Variants in SCAPER observed in about 807,000 individuals in gnomAD.
SCAPER encodes the protein S-phase cyclin A associated protein in the ER.
A neutral mutation model predicts 182.2 loss-of-function variants in SCAPER; 98 were observed. The observed-to-expected ratio is 0.54, with a 90% CI of 0.46 to 0.64. SCAPER has a LOEUF of 0.64. Ranked by LOEUF, SCAPER falls within the 30% of genes least tolerant of loss-of-function variation. The pLI is 0.00. For synonymous variants in SCAPER, 605 were observed against 564.6 expected, an observed-to-expected ratio of 1.07 and a Z score of -1.01; for missense variants, 1,432 against 1,690.0, an observed-to-expected ratio of 0.85 and a Z score of 2.68.
chr15:76,439,621 G>A (rs1209339342), intron 25 of SCAPER, among the ~76,000 whole-genome samples: 1 of 152,186 alleles, frequency 6.6e-6, no homozygotes, highest in Non-Finnish European at 1.5e-5. Flanking sequence ...CACAGCTGCT[G>A]GGCCAAGGGC....
At chr15:76,647,996 A>C (rs1182321115) in intron 21 of SCAPER, among the ~76,000 whole-genome samples, 1 of 152,162 alleles carries the variant, frequency 6.6e-6, no homozygotes, top group East Asian at 1.9e-4. Context: ...CTTAAAGAAA[A>C]CAATAAAACC....
chr15:76,845,529 T>A (rs1182505195), intron 4 of SCAPER, among the ~76,000 whole-genome samples: 2 of 151,544 alleles, frequency 1.3e-5, no homozygotes, highest in African/African-American at 4.9e-5. Context: ...GGATACAAAG[T>A]CAACATACAA....
intron 1 of SCAPER, among the ~76,000 whole-genome samples, chr15:76,888,368 A>C (rs2073973365): frequency 6.6e-6 from 1 of 152,188 alleles, no homozygotes; most frequent in Admixed American, 6.5e-5. Flanking sequence ...GGTAATAACA[A>C]ACTTCTCCAA....
chr15:76,514,705 T>C (rs1178251463), intron 23 of SCAPER, among the ~76,000 whole-genome samples: 1 of 152,212 alleles, frequency 6.6e-6, no homozygotes, highest in African/African-American at 2.4e-5. Flanking sequence ...AAGTAGGTTT[T>C]GGCAAGTCCA....
At chr15:76,809,573 A>G (rs1017131166) in intron 5 of SCAPER, among the ~76,000 whole-genome samples, 12 of 152,160 alleles carry the variant, frequency 7.9e-5, no homozygotes, top group African/African-American at 1.4e-4. Flanking sequence ...AATAAAAGGA[A>G]AAAATGACAA....
chr15:76,842,365 G>A (rs2069562477), intron 4 of SCAPER, among the ~76,000 whole-genome samples: 1 of 152,082 alleles, frequency 6.6e-6, no homozygotes, highest in African/African-American at 2.4e-5. Context: ...GAATCATGGG[G>A]GCAGTTTCCC....
At chr15:76,373,070 CAG>C (rs1246192816) in intron 29 of SCAPER, among the ~76,000 whole-genome samples, 1 of 140,600 alleles carries the variant, frequency 7.1e-6, no homozygotes, top group African/African-American at 2.7e-5. Context: ...TTTTTTGAGA[CAG>C]AGTCTCGCTC....
chr15:76,485,914 C>T (rs935159849), intron 24 of SCAPER, among the ~76,000 whole-genome samples: 6 of 152,168 alleles, frequency 3.9e-5, no homozygotes, highest in Middle Eastern at 3.4e-3. Flanking sequence ...AAATGTAAAA[C>T]CGAAAACTAT....
rs1043236684 is a variant in SCAPER, at chr15:76,472,377, A to C, written c.2955-1042T>G. The C allele has an allele frequency of 4.2e-6, 3 of 714,590 alleles. No homozygotes were observed. In the African/African-American group the frequency reaches 5.3e-5, roughly 13 times the overall value. The allele number at this position is 714,590 out of a possible 1,614,324, so 44.3% of individuals were successfully genotyped here. On this transcript the variant is annotated intron_variant, in intron 24 of 31. Coordinates refer to ENST00000563290, the MANE Select transcript of SCAPER (RefSeq NM_020843.4). Reference sequence around the variant, plus strand: ...TGGAGATGCCAAGTGAAGCGTGTGCATTTTTGGTGACTGTGTACTTCTGGT... The same window carrying C: ...TGGAGATGCCAAGTGAAGCGTGTGCCTTTTTGGTGACTGTGTACTTCTGGT...
intron 8 of SCAPER, 177 bp downstream of exon 8, chr15:76,795,103 C>T (rs923867472): frequency 5.8e-6 from 3 of 521,014 alleles, no homozygotes; most frequent in Non-Finnish European, 6.4e-6. Context: ...CATAAGCTAT[C>T]TACAGTGCTG....
At chr15:76,655,216 A>T (rs1239654680) in intron 21 of SCAPER, among the ~76,000 whole-genome samples, 1 of 152,244 alleles carries the variant, frequency 6.6e-6, no homozygotes, top group Non-Finnish European at 1.5e-5. Flanking sequence ...AACTGATCTG[A>T]TACAGGCAAA....
chr15:76,779,523 C>T (rs1395531973), intron 8 of SCAPER, among the ~76,000 whole-genome samples: 2 of 152,046 alleles, frequency 1.3e-5, no homozygotes, highest in South Asian at 2.1e-4. Context: ...TGGATAGCCC[C>T]GTAACTGTTA....
rs563428240 is a variant in SCAPER, at chr15:76,839,619, A to G, written c.393+2115T>C. Among the ~76,000 whole-genome samples the G allele has an allele frequency of 5.3e-5, 8 of 152,354 alleles. No individual in the cohort carries two copies. In the East Asian group the frequency reaches 1.2e-3, roughly 22 times the overall value. On this transcript the variant is annotated intron_variant, in intron 5 of 31. Coordinates refer to ENST00000563290, the MANE Select transcript of SCAPER (RefSeq NM_020843.4). The stretch of plus-strand genomic sequence containing the variant: ...TAAGCCTTTGAGCATCTTGGCACAG[A>G]ATAAAGAATGGAAAACACATCTCTA...
chr15:76,693,474 A>G (rs564256923), intron 20 of SCAPER, among the ~76,000 whole-genome samples: 1 of 152,236 alleles, frequency 6.6e-6, no homozygotes, highest in African/African-American at 2.4e-5. Context: ...CCAGAAATCC[A>G]CTTCTGGGTA....
At chr15:76,649,998 A>C (rs1425309881) in intron 21 of SCAPER, among the ~76,000 whole-genome samples, 1 of 152,192 alleles carries the variant, frequency 6.6e-6, no homozygotes, top group African/African-American at 2.4e-5. Context: ...CAAAATTAAA[A>C]TGCAGGATTT....
At chr15:76,842,049 G>T in intron 4 of SCAPER, 118 bp from the exon 5 acceptor site, 1 of 848,276 alleles carries the variant, frequency 1.2e-6, no homozygotes, top group Non-Finnish European at 1.8e-6. Context: ...AAAAGCATCT[G>T]TACTGAACAT....
At chr15:76,404,734 C>A in intron 26 of SCAPER, 55 bp from the exon 27 acceptor site, 1 of 1,549,558 alleles carries the variant, frequency 6.5e-7, no homozygotes, top group Non-Finnish European at 8.8e-7. Flanking sequence ...GCAACATCTT[C>A]ACCTTCAATG....
intron 5 of SCAPER, among the ~76,000 whole-genome samples, chr15:76,839,208 T>C (rs1414065472): frequency 6.6e-6 from 1 of 152,244 alleles, no homozygotes; most frequent in Non-Finnish European, 1.5e-5. Flanking sequence ...ACCATGTGAA[T>C]TACATATATG....
intron 1 of SCAPER, among the ~76,000 whole-genome samples, chr15:76,901,967 C>T (rs2074813765): frequency 1.3e-5 from 2 of 152,200 alleles, no homozygotes; most frequent in South Asian, 4.1e-4. Context: ...GATCTGCCCA[C>T]CTCAGCCTCC....
Sources: allele counts gnomAD v4.1 joint callset (sites outside exome capture counted in the v4.1 genomes callset), GRCh38; gene constraint gnomAD v4.1.1; transcripts MANE v1.5; gene names NCBI Gene and HGNC (gene_info 2026-07-23, HGNC 2026-07-21).